The following MTRFR variants were observed in gnomAD, a reference collection of about 807,000 sequenced individuals.
MTRFR encodes the protein mitochondrial translation release factor in rescue.
In MTRFR, 10 loss-of-function variants were observed where a neutral mutation model predicts 11.9. That is an observed-to-expected ratio of 0.84 (90% CI 0.52 to 1.42). MTRFR has a LOEUF of 1.42. Among genes scored for constraint, MTRFR ranks in the 40% most tolerant of loss-of-function variants. The pLI, the probability that MTRFR is intolerant of heterozygous loss-of-function variation, is 0.00. For missense variants in MTRFR, 196 were observed against 197.9 expected (o/e 0.99, Z 0.06); for synonymous variants, 77 against 79.1 (o/e 0.97, Z 0.14).
Position 123,253,863 on chromosome 12 carries a change from G to A in MTRFR, c.189G>A (p.Gln63=). Residue 63 remains glutamine (Q), a synonymous_variant, in exon 2 of 3, where the codon CAG becomes CAA. Coordinates refer to ENST00000253233, the MANE Select transcript of MTRFR (RefSeq NM_152269.5). ...LSLDENELEE[Q]FVKGHGPGGQ... ...TGGATGAGAATGAACTCGAAGAGCA[G>A]TTTGTGAAAGGACACGGTCCAGGGG... The A allele has an allele frequency of 6.2e-7, 1 of 1,614,240 alleles. No homozygotes were observed. Among genetic ancestry groups the A allele is most frequent in the Non-Finnish European group, 8.5e-7 (1 of 1,180,052 alleles).
At chr12:123,246,234 T>C (rs1396062748) in intron 1 of MTRFR, among the ~76,000 whole-genome samples, 1 of 151,762 alleles carries the variant, frequency 6.6e-6, no homozygotes, top group Non-Finnish European at 1.5e-5. Context: ...TTTTGTATTT[T>C]CAGTAGAGAC....
intron 1 of MTRFR, among the ~76,000 whole-genome samples, chr12:123,243,447 G>A (rs928592911): frequency 4.0e-5 from 6 of 150,152 alleles, no homozygotes; most frequent in African/African-American, 7.4e-5. Flanking sequence ...GGAGAATGGC[G>A]TGAACCCGGG....
chr12:123,239,912 G>T (rs114567779), intron 1 of MTRFR, among the ~76,000 whole-genome samples: 2,295 of 152,008 alleles, frequency 0.015, 64 homozygotes, highest in African/African-American at 0.052. Context: ...CACCTTCTCA[G>T]CCTTCACCAT....
intron 1 of MTRFR, among the ~76,000 whole-genome samples, chr12:123,241,644 T>G (rs1014868571): frequency 1.3e-5 from 2 of 152,088 alleles, no homozygotes; most frequent in African/African-American, 4.8e-5. Flanking sequence ...CCAGCCTATT[T>G]TGTTTTTTAG....
At chr12:123,254,507 G>A (rs767061226) in intron 2 of MTRFR, 73 of 160,060 alleles carry the variant, frequency 4.6e-4, no homozygotes, top group African/African-American at 8.7e-4. Context: ...GGTAAATGTC[G>A]GTGATACCTC....
At chr12:123,249,893 T>C (rs1186194654) in intron 1 of MTRFR, 1 of 152,218 alleles carries the variant, frequency 6.6e-6, no homozygotes, top group African/African-American at 2.4e-5. Flanking sequence ...TCAGGTGTTC[T>C]TTGTGCTTCT....
Position 123,253,808 on chromosome 12 carries a change from G to A in MTRFR, c.134G>A (p.Gly45Asp), listed in dbSNP as rs1413708853. 2 of 1,614,076 alleles carry A rather than the reference G, an allele frequency of 1.2e-6. No homozygotes were observed. The highest frequency in any genetic ancestry group is 1.7e-6 in the Non-Finnish European group (2 of 1,180,046). The part of the protein sequence containing the change: ...GIAVTPVQMA[G>D]KKDYPALLSL... The stretch of plus-strand genomic sequence containing the variant: ...GCTGTCACTCCGGTCCAGATGGCAG[G>A]CAAGAAGGACTACCCTGCACTGCTT... The change falls in exon 2 of 3, where the codon GGC (glycine) becomes GAC (aspartate). Residue 45 changes from glycine (G) to aspartate (D), a missense_variant. Coordinates refer to ENST00000253233, the MANE Select transcript of MTRFR (RefSeq NM_152269.5).
chr12:123,251,557 C>T (rs2048111574), intron 1 of MTRFR: 1 of 152,414 alleles, frequency 6.6e-6, no homozygotes, highest in Non-Finnish European at 1.5e-5. Flanking sequence ...CTGAGTCTGA[C>T]TTAGCTCCAG....
At chr12:123,249,021 T>C (rs867450255) in intron 1 of MTRFR, 5 of 151,866 alleles carry the variant, frequency 3.3e-5, no homozygotes, top group South Asian at 2.1e-4. Flanking sequence ...AGAGTGCTGA[T>C]TGGTGCATTT....
intron 1 of MTRFR, chr12:123,253,426 G>A (rs930790621): frequency 5.8e-6 from 3 of 513,546 alleles, no homozygotes; most frequent in Non-Finnish European, 1.1e-5. Flanking sequence ...AAGAAAATAT[G>A]TATTAGCTGG....
chr12:123,239,635 C>T (rs979157491), intron 1 of MTRFR, among the ~76,000 whole-genome samples: 3 of 152,158 alleles, frequency 2.0e-5, no homozygotes, highest in South Asian at 2.1e-4. Context: ...ATCTCCTGAC[C>T]TCATGATCTG....
At position 123,257,132 on chromosome 12, in the gene MTRFR, A is replaced by T; in HGVS notation, c.*101A>T. ...AGCATTATTATAGTGCTTCAAAAGA[A>T]ATATTTTTGATGAACTTAAAAGACA... On this transcript the variant is annotated 3_prime_UTR_variant, in exon 3 of 3. Coordinates refer to ENST00000253233, the MANE Select transcript of MTRFR (RefSeq NM_152269.5). The T allele has an allele frequency of 1.1e-6, 1 of 925,610 alleles. No individual in the cohort carries two copies. Among genetic ancestry groups the T allele is most frequent in the Non-Finnish European group, 1.7e-6 (1 of 576,866 alleles). The allele number at this position is 925,610 out of a possible 1,614,324, so 57.3% of individuals were successfully genotyped here.
chr12:123,238,887 A>G (rs1422833375), intron 1 of MTRFR, among the ~76,000 whole-genome samples: 5 of 152,194 alleles, frequency 3.3e-5, no homozygotes, highest in African/African-American at 1.2e-4. Flanking sequence ...AGCCACCAGC[A>G]CATGTGGCCC....
At chr12:123,248,117 C>T (rs2048067438) in intron 1 of MTRFR, among the ~76,000 whole-genome samples, 1 of 152,152 alleles carries the variant, frequency 6.6e-6, no homozygotes, top group South Asian at 2.1e-4. Flanking sequence ...GGATTTGTTT[C>T]AAGATTTAGA....
intron 1 of MTRFR, among the ~76,000 whole-genome samples, chr12:123,237,855 T>C (rs1255594196): frequency 6.6e-6 from 1 of 151,992 alleles, no homozygotes; most frequent in Non-Finnish European, 1.5e-5. Flanking sequence ...GACAGGGAAA[T>C]GCTACTTTCT....
chr12:123,246,393 C>T (rs1281950049), intron 1 of MTRFR, among the ~76,000 whole-genome samples: 3 of 152,124 alleles, frequency 2.0e-5, no homozygotes, highest in South Asian at 4.1e-4. Context: ...ACCCACTGCT[C>T]ATTCAGGAGC....
intron 1 of MTRFR, among the ~76,000 whole-genome samples, chr12:123,241,338 T>G (rs1397184017): frequency 2.6e-5 from 4 of 151,990 alleles, no homozygotes; most frequent in African/African-American, 7.3e-5. Flanking sequence ...TTTTTGTTGT[T>G]GTTGTTTTTT....
At chr12:123,243,429 C>G (rs1477679048) in intron 1 of MTRFR, among the ~76,000 whole-genome samples, 5 of 151,748 alleles carry the variant, frequency 3.3e-5, no homozygotes, top group Admixed American at 6.6e-5. Context: ...ACTTGGGAGG[C>G]TGAGGCAGGA....
At chr12:123,239,048 A>C (rs914066193) in intron 1 of MTRFR, among the ~76,000 whole-genome samples, 10 of 152,220 alleles carry the variant, frequency 6.6e-5, no homozygotes, top group African/African-American at 2.4e-4. Context: ...AGGAAGGCAG[A>C]TCGCTTGAGT....
Sources: gnomAD v4.1 joint callset for allele counts (sites outside exome capture counted in the v4.1 genomes callset) on GRCh38, gnomAD v4.1.1 for gene constraint, MANE v1.5 for transcripts, NCBI Gene and HGNC (gene_info 2026-07-23, HGNC 2026-07-21) for gene names.